Variants in DRP2 observed in about 807,000 individuals in gnomAD.
DRP2 encodes the protein dystrophin related protein 2.
DRP2 carries 29 observed loss-of-function variants against 78.2 expected under a neutral mutation model. That is an observed-to-expected ratio of 0.37 (90% CI 0.28 to 0.51). DRP2 has a LOEUF of 0.51. Ranked by LOEUF, DRP2 falls within the 20% of genes least tolerant of loss-of-function variation. DRP2 has a pLI of 0.94. For synonymous variants in DRP2, 290 were observed against 281.9 expected (o/e 1.03, Z -0.29); for missense variants, 686 against 770.6 (o/e 0.89, Z 1.30).
At chrX:101,247,780 T>A (rs1922981963) in intron 12 of DRP2, among the ~76,000 whole-genome samples, 1 of 112,506 alleles carries the variant, frequency 8.9e-6, no homozygotes, top group South Asian at 3.7e-4. Flanking sequence ...AAACTTAAAA[T>A]GGGATTTGAT....
At chrX:101,234,580 G>A (rs1158361404) in intron 3 of DRP2, among the ~76,000 whole-genome samples, 1 of 112,579 alleles carries the variant, frequency 8.9e-6, no homozygotes, top group African/African-American at 3.2e-5. Flanking sequence ...GAGCCTGTCA[G>A]GATTCTGCCT....
chrX:101,256,506 G>T (rs768712964), intron 21 of DRP2, among the ~76,000 whole-genome samples: 1 of 110,040 alleles, frequency 9.1e-6, no homozygotes, highest in East Asian at 2.9e-4. Context: ...TATAGTAAGG[G>T]TTCAATAAAT....
intron 4 of DRP2, among the ~76,000 whole-genome samples, chrX:101,237,113 C>G (rs1010160119): frequency 1.8e-5 from 2 of 111,792 alleles, no homozygotes; most frequent in African/African-American, 3.3e-5. Context: ...CGTATGCATC[C>G]TTGCACATGT....
In DRP2 at chrX:101,223,729, A is replaced by C. The variant is rs1199457544; in HGVS notation, c.-166-875A>C. 3.6e-5 allele frequency among the ~76,000 whole-genome samples: 4 copies of C among 112,381 alleles called. No homozygotes were observed. The South Asian group carries it at 1.5e-3, about 41-fold the overall frequency. On this transcript the variant is annotated intron_variant, in intron 1 of 23. Transcript: ENST00000395209. Reference sequence around the variant, plus strand: ...TCTCTGATTTTTTAATTGGATAATAAATTTTATTTCTCAAAATTGCTTGAC... The same window carrying C: ...TCTCTGATTTTTTAATTGGATAATACATTTTATTTCTCAAAATTGCTTGAC...
Position 101,260,507 on chromosome X carries a change from G to A in DRP2, c.2760G>A (p.Gly920=), listed in dbSNP as rs199847802. 5.0e-6 allele frequency: 6 copies of A among 1,208,194 alleles called. No homozygotes were observed. Among genetic ancestry groups the A allele is most frequent in the Non-Finnish European group, 6.7e-6 (6 of 894,750 alleles). Residue 920 remains glycine (G), a synonymous_variant, in exon 24 of 24, where the codon GGG becomes GGA. Coordinates refer to ENST00000395209, the MANE Select transcript of DRP2 (RefSeq NM_001939.3). The stretch of plus-strand genomic sequence containing the variant: ...TGTTTTTTAACCCAGATGATGTGGG[G>A]TCAAAGAGCCAGGATGTCAGCCTGT... ...TPDTEAADDV[G]SKSQDVSLCL... is the part of the protein sequence containing the mutation.
chrX:101,260,208 G>A, intron 23 of DRP2, 39 bp downstream of exon 23: 1 of 1,200,993 alleles, frequency 8.3e-7, no homozygotes, highest in South Asian at 1.8e-5. Context: ...TTTCTCCATG[G>A]CTTTGTCCTG....
intron 4 of DRP2, among the ~76,000 whole-genome samples, chrX:101,237,034 C>T (rs1265590824): frequency 9.0e-6 from 1 of 111,406 alleles, no homozygotes; most frequent in Non-Finnish European, 1.9e-5. Flanking sequence ...TTATACAGTA[C>T]AGATTTTTCT....
chrX:101,252,769 C>A, intron 17 of DRP2, 53 bp downstream of exon 17: 1 of 991,171 alleles, frequency 1.0e-6, no homozygotes, highest in African/African-American at 1.9e-5. Flanking sequence ...AGGTACTAGG[C>A]CTTGATCCAC....
Position 101,245,404 on chromosome X carries a change from A to G in DRP2, c.1132A>G (p.Thr378Ala), listed in dbSNP as rs1311687989. Residue 378 changes from threonine to alanine, a missense_variant, in exon 11 of 24, where the codon ACA becomes GCA. By Grantham distance (58) the Thr-to-Ala change is moderately conservative (BLOSUM62 0). Coordinates refer to ENST00000395209, the MANE Select transcript of DRP2 (RefSeq NM_001939.3). ...PYYINHQAQT[T>A]CWDHPKMTEL... ...TGTTTGTAGCCACCAGGCTCAGACC[A>G]CATGCTGGGACCATCCCAAGATGAC... is the stretch of plus-strand genomic sequence containing the variant. 30 of 1,205,699 alleles carry G rather than the reference A, an allele frequency of 2.5e-5. No individual in the cohort carries two copies. Among genetic ancestry groups the G allele is most frequent in the Non-Finnish European group, 3.4e-5 (30 of 892,228 alleles).
chrX:101,242,203 C>G, intron 7 of DRP2, 122 bp from the exon 8 acceptor site: 1 of 1,030,019 alleles, frequency 9.7e-7, no homozygotes, highest in Non-Finnish European at 1.3e-6. Flanking sequence ...CCCTAATAGG[C>G]AAGCACTAGG....
Position 101,239,092 on chromosome X carries a change from G to C in DRP2, c.550G>C (p.Glu184Gln). ...TGAGGAGTTAGAGGAGCCTCATTCTGAGAGCAAAGGTAGGTGGTCTTCTGT... is the reference window on the plus strand; with the variant it reads ...TGAGGAGTTAGAGGAGCCTCATTCTCAGAGCAAAGGTAGGTGGTCTTCTGT... The part of the protein sequence containing the change: ...PFEELEEPHS[E>Q]SKDTSPKQRI... The change falls in exon 6 of 24, where the codon GAG (glutamate) becomes CAG (glutamine). Residue 184 changes from glutamate to glutamine, a missense_variant. By Grantham distance (29) the Glu-to-Gln change is conservative (BLOSUM62 2). This residue lies in a region of DRP2 where 263 missense variants were observed against 239.1 expected (regional missense o/e 1.10). Transcript: ENST00000395209. The C allele has an allele frequency of 8.3e-7, 1 of 1,209,530 alleles. No individual in the cohort carries two copies. The highest frequency in any genetic ancestry group is 1.1e-6 in the Non-Finnish European group (1 of 894,756).
chrX:101,248,675 T>A (rs1602928693), intron 14 of DRP2, 76 bp downstream of exon 14: 1 of 939,857 alleles, frequency 1.1e-6, no homozygotes, highest in East Asian at 3.1e-5. Context: ...GGGTGTAAGA[T>A]AAGCAGAAAG....
chrX:101,226,746 G>A (rs182925733), intron 2 of DRP2, among the ~76,000 whole-genome samples: 1,298 of 111,407 alleles, frequency 0.012, 8 homozygotes, highest in Middle Eastern at 0.084. Flanking sequence ...ACCTTAGCTC[G>A]AAAGCTTCTT....
At chrX:101,225,694 C>T (rs748793019) in intron 2 of DRP2, among the ~76,000 whole-genome samples, 5 of 110,931 alleles carry the variant, frequency 4.5e-5, no homozygotes, top group Admixed American at 9.6e-5. Flanking sequence ...TGGTGGGGAG[C>T]GGAGAGGGGG....
Position 101,241,653 on chromosome X carries a change from T to C in DRP2, c.560-15T>C, listed in dbSNP as rs1369423282. On this transcript the variant is annotated splice_polypyrimidine_tract_variant and intron_variant, in intron 6 of 23. Transcript: ENST00000395209. Reference sequence around the variant, plus strand: ...GCCTGGTTGGCCTAACCTGGCTTCCTGCCTCCTCTTGCAGATACCTCCCCG... The same window carrying C: ...GCCTGGTTGGCCTAACCTGGCTTCCCGCCTCCTCTTGCAGATACCTCCCCG... The C allele has an allele frequency of 4.1e-6, 5 of 1,208,416 alleles. No individual in the cohort carries two copies. The highest frequency in any genetic ancestry group is 5.6e-6 in the Non-Finnish European group (5 of 893,029).
At chrX:101,221,485 C>G (rs1043089357) in intron 1 of DRP2, among the ~76,000 whole-genome samples, 1 of 112,404 alleles carries the variant, frequency 8.9e-6, no homozygotes, top group African/African-American at 3.2e-5. Flanking sequence ...GAAGACCAAG[C>G]CCCTCTGTCT....
chrX:101,252,504 C>A, intron 16 of DRP2, 101 bp from the exon 17 acceptor site: 1 of 632,269 alleles, frequency 1.6e-6, no homozygotes, highest in Non-Finnish European at 2.5e-6. Context: ...CCTCATTCAT[C>A]CCCTTCTACT....
chrX:101,235,771 C>T, intron 3 of DRP2, 89 bp from the exon 4 acceptor site: 1 of 973,617 alleles, frequency 1.0e-6, no homozygotes, highest in Admixed American at 3.0e-5. Flanking sequence ...CCTTCTCTCC[C>T]CTTGTTCACA....
Position 101,247,169 on chromosome X carries a change from G to GTCTCC in DRP2, c.1252+7_1252+11dup. On this transcript the variant is annotated splice_donor_region_variant and intron_variant, in intron 12 of 23. Transcript: ENST00000395209. ...GAGTCCAGAAAGCCCTGCGCTGTAC[G>GTCTCC]TCTCCTGTTGTACTTCCCTATGACG... is the stretch of plus-strand genomic sequence containing the variant. The GTCTCC allele has an allele frequency of 8.3e-7, 1 of 1,198,686 alleles. No individual in the cohort carries two copies. The highest frequency in any genetic ancestry group is 1.1e-6 in the Non-Finnish European group (1 of 886,552).
Sources: allele counts gnomAD v4.1 joint callset (sites outside exome capture counted in the v4.1 genomes callset), GRCh38; gene constraint gnomAD v4.1.1; regional missense constraint gnomAD v4.1.1; transcripts MANE v1.5; gene names NCBI Gene and HGNC (gene_info 2026-07-23, HGNC 2026-07-21).